The following RADX variants were observed in gnomAD, a reference collection of about 807,000 sequenced individuals.
RADX encodes RPA-related protein RADX.
RADX carries 36 observed loss-of-function variants against 61.6 expected under a neutral mutation model. The observed-to-expected ratio is 0.58, with a 90% CI of 0.45 to 0.77. The LOEUF (loss-of-function observed/expected upper bound fraction) is 0.77, where lower values mean the gene tolerates loss of function less well. Ranked by LOEUF, RADX falls within the 30% of genes least tolerant of loss-of-function variation. RADX has a pLI of 0.00. For missense variants in RADX, 497 were observed against 651.1 expected (o/e 0.76, Z 2.58); for synonymous variants, 272 against 237.9 (o/e 1.14, Z -1.32).
chrX:106,648,087 T>C (rs1012858621), intron 10 of RADX, among the ~76,000 whole-genome samples: 1 of 111,596 alleles, frequency 9.0e-6, no homozygotes, highest in African/African-American at 3.2e-5. Flanking sequence ...TGCTCCCTTT[T>C]ATGGAATAAT....
chrX:106,622,287 C>G (rs1453490897), intron 1 of RADX, among the ~76,000 whole-genome samples: 2 of 110,145 alleles, frequency 1.8e-5, no homozygotes, highest in African/African-American at 6.6e-5. Flanking sequence ...GAAAAATATT[C>G]CATGACATTG....
intron 13 of RADX, among the ~76,000 whole-genome samples, chrX:106,670,360 T>C (rs946219238): frequency 9.0e-6 from 1 of 110,914 alleles, no homozygotes; most frequent in Admixed American, 9.7e-5. Context: ...TATCCACTTA[T>C]GTTACATGTC....
chrX:106,678,098 C>T, intron 13 of RADX, 30 bp from the exon 14 acceptor site: 5 of 1,041,051 alleles, frequency 4.8e-6, no homozygotes, highest in Non-Finnish European at 6.6e-6. Context: ...AACTATTTTA[C>T]AGTACTTACC....
At chrX:106,640,323 T>G (rs1927477252) in intron 9 of RADX, 3 of 293,845 alleles carry the variant, frequency 1.0e-5, no homozygotes, top group Non-Finnish European at 1.2e-5. Context: ...AAGTGTTTAA[T>G]CCAGCTTTTC....
chrX:106,667,801 G>C (rs914150542), intron 12 of RADX, among the ~76,000 whole-genome samples: 10 of 111,504 alleles, frequency 9.0e-5, no homozygotes, highest in African/African-American at 2.6e-4. Flanking sequence ...CAGTTTTAAG[G>C]CATCCTTCCT....
At chrX:106,671,796 A>G (rs1195014684) in intron 13 of RADX, among the ~76,000 whole-genome samples, 1 of 106,177 alleles carries the variant, frequency 9.4e-6, no homozygotes, top group African/African-American at 3.9e-5. Context: ...TTGGCCATTT[A>G]TATGTTTTTT....
At chrX:106,637,946 C>G (rs1019777114) in intron 8 of RADX, 22 bp downstream of exon 8, 1 of 1,131,169 alleles carries the variant, frequency 8.8e-7, no homozygotes, top group African/African-American at 1.8e-5. Context: ...ATTGCCAGTC[C>G]TTCTAAATAT....
chrX:106,632,213 T>G lies in RADX; in HGVS notation c.980-412T>G, dbSNP rs1409643715. Among the ~76,000 whole-genome samples, 3 of 112,083 alleles carry G rather than the reference T, an allele frequency of 2.7e-5. No homozygotes were observed. In the East Asian group the frequency reaches 8.3e-4, roughly 31 times the overall value. ...AGTATATTAACACACTGGAACATTA[T>G]TCAGCTGTGGAAATGACAAGAAAAC... On this transcript the variant is annotated intron_variant, in intron 3 of 13. Coordinates refer to ENST00000372548, the MANE Select transcript of RADX (RefSeq NM_018015.6).
chrX:106,658,898 T>C (rs1329541504), intron 11 of RADX, among the ~76,000 whole-genome samples: 1 of 111,054 alleles, frequency 9.0e-6, no homozygotes, highest in African/African-American at 3.3e-5. Flanking sequence ...ATATACTTGC[T>C]AGCAAGAAGG....
chrX:106,614,815 C>T (rs577580890), intron 1 of RADX, among the ~76,000 whole-genome samples: 3 of 110,345 alleles, frequency 2.7e-5, no homozygotes, highest in East Asian at 2.8e-4. Flanking sequence ...CACGTTTGTG[C>T]TTTTGAAACT....
At chrX:106,640,248 A>G (rs763470802) in intron 9 of RADX, among the ~76,000 whole-genome samples, 1 of 111,128 alleles carries the variant, frequency 9.0e-6, no homozygotes, top group East Asian at 2.8e-4. Flanking sequence ...AAGACAAGTT[A>G]ATTTTTCCCA....
chrX:106,668,731 A>G lies in RADX; in HGVS notation c.2270-432A>G, dbSNP rs576328350. Among the ~76,000 whole-genome samples the G allele has an allele frequency of 1.3e-4, 15 of 111,478 alleles. No homozygotes were observed. In the South Asian group the frequency reaches 5.8e-3, roughly 43 times the overall value. On this transcript the variant is annotated intron_variant, in intron 12 of 13. Transcript: ENST00000372548. ...TGAGGACGGATGAGATCTAGCTACT[A>G]TATCATCCCTGACCTTGCATTAGTC...
At chrX:106,677,563 G>A (rs781744030) in intron 13 of RADX, among the ~76,000 whole-genome samples, 2 of 106,853 alleles carry the variant, frequency 1.9e-5, no homozygotes, top group East Asian at 5.9e-4. Context: ...TTTTCACAGA[G>A]TTTCTCAAGA....
At position 106,679,410 on chromosome X, in the gene RADX, G is replaced by A; in HGVS notation, c.*1152G>A. The A allele has an allele frequency of 8.9e-6, 1 of 111,843 alleles. No homozygotes were observed. The highest frequency in any genetic ancestry group is 1.9e-5 in the Non-Finnish European group (1 of 53,129). The allele number at this position is 111,843 out of a possible 1,213,427, so 9.2% of individuals were successfully genotyped here. ...TGGATTCCTCTCGTGTTACAGTTTT[G>A]AGTGAATTATTAAAGAAGTTAAAAT... On this transcript the variant is annotated 3_prime_UTR_variant, in exon 14 of 14. Coordinates refer to ENST00000372548, the MANE Select transcript of RADX (RefSeq NM_018015.6).
intron 11 of RADX, among the ~76,000 whole-genome samples, chrX:106,661,165 G>A (rs1407493949): frequency 9.0e-6 from 1 of 110,582 alleles, no homozygotes; most frequent in Admixed American, 9.6e-5. Flanking sequence ...ATATCAATAA[G>A]GGATAAATTA....
intron 10 of RADX, among the ~76,000 whole-genome samples, chrX:106,642,186 A>G (rs1927530148): frequency 9.0e-6 from 1 of 111,179 alleles, no homozygotes; most frequent in Admixed American, 9.6e-5. Flanking sequence ...ACAAGCATAC[A>G]ATGTGAAATA....
chrX:106,637,621 A>G, intron 7 of RADX, 139 bp from the exon 8 acceptor site: 1 of 477,128 alleles, frequency 2.1e-6, no homozygotes, highest in Non-Finnish European at 3.5e-6. Context: ...GTGAATAAGT[A>G]AACTTGACTG....
intron 13 of RADX, among the ~76,000 whole-genome samples, chrX:106,675,775 T>G (rs1928492698): frequency 8.9e-6 from 1 of 112,348 alleles, no homozygotes; most frequent in African/African-American, 3.2e-5. Context: ...TTTTATTAGG[T>G]AAAATCTATA....
Position 106,625,096 on chromosome X carries a change from T to C in RADX, c.793T>C (p.Leu265=). 1 of 1,178,652 alleles carries C rather than the reference T, an allele frequency of 8.5e-7. No individual in the cohort carries two copies. Among genetic ancestry groups the C allele is most frequent in the Non-Finnish European group, 1.1e-6 (1 of 880,208 alleles). The part of the protein sequence containing the change: ...KKMIEPYQTF[L]EVADSSGTVS... ...TTACTCATTTTCTTTCTAGACCTTTTTGGAAGTTGCTGACAGTTCAGGCAC... is the reference window on the plus strand; with the variant it reads ...TTACTCATTTTCTTTCTAGACCTTTCTGGAAGTTGCTGACAGTTCAGGCAC... The change falls in exon 3 of 14, where the codon TTG becomes CTG. Residue 265 remains leucine, a synonymous_variant. Coordinates refer to ENST00000372548, the MANE Select transcript of RADX (RefSeq NM_018015.6).
Sources: gnomAD v4.1 joint callset for allele counts (sites outside exome capture counted in the v4.1 genomes callset) on GRCh38, gnomAD v4.1.1 for gene constraint, MANE v1.5 for transcripts, NCBI Gene and HGNC (gene_info 2026-07-23, HGNC 2026-07-21) for gene names.